PCDH8: variants seen among roughly 807,000 people sequenced by gnomAD.
The protein encoded by PCDH8 is protocadherin 8.
In PCDH8, 36 loss-of-function variants were observed where a neutral mutation model predicts 58.2. That is an observed-to-expected ratio of 0.62 (90% CI 0.47 to 0.82). The LOEUF (loss-of-function observed/expected upper bound fraction) is 0.82. PCDH8 is among the 40% of genes least tolerant of loss of function. The pLI is 0.00. For synonymous variants in PCDH8, 775 were observed against 728.9 expected, an observed-to-expected ratio of 1.06 and a Z score of -1.02; for missense variants, 1,493 against 1,567.8, an observed-to-expected ratio of 0.95 and a Z score of 0.81.
Position 52,846,498 on chromosome 13 carries a change from C to T in PCDH8, c.1939G>A (p.Gly647Arg), listed in dbSNP as rs758857191. The T allele has an allele frequency of 1.3e-6, 2 of 1,597,564 alleles. No individual in the cohort carries two copies. Among genetic ancestry groups the T allele is most frequent in the Non-Finnish European group, 1.7e-6 (2 of 1,178,866 alleles). ...QARDADEGANGELAFELQQQE... is the reference protein window; with the variant it reads ...QARDADEGANRELAFELQQQE... ...TGCTGCAGCTCGAACGCCAGCTCCC[C>T]GTTGGCTCCCTCGTCTGCATCCCGG... Residue 647 changes from glycine to arginine, a missense_variant, in exon 1 of 3, where the codon GGG becomes AGG. Transcript: ENST00000377942.
rs73494250 is a variant in PCDH8 at position 52,845,745 on chromosome 13, C to T, written c.2631+61G>A. 0.011 allele frequency: 16,912 copies of T among 1,511,794 alleles called. 1,602 individuals are homozygous for T. In the African/African-American group the frequency reaches 0.2, roughly 18 times the overall value. The allele number at this position is 1,511,794 out of a possible 1,614,324, so 93.6% of individuals were successfully genotyped here. ...TGCACCCACCCTACCCCTCCAGTCT[C>T]CCTTCCCCCAGCCTGTCCGCGGAGC... On this transcript the variant is annotated intron_variant, in intron 1 of 2. Transcript: ENST00000377942.
In PCDH8 at chr13:52,847,767, G is replaced by C; in HGVS notation, c.670C>G (p.Pro224Ala). Residue 224 changes from proline (P) to alanine (A), a missense_variant, in exon 1 of 3, where the codon CCG becomes GCG. Pro to Ala is a conservative substitution (Grantham distance 27). Coordinates refer to ENST00000377942, the MANE Select transcript of PCDH8 (RefSeq NM_002590.4). Reference sequence around the variant, plus strand: ...CTGAGGGCAGCCGTGGCGGAGCGCGGCGGGCGGCCGCCGTCCTGGGCCACC... The same window carrying C: ...CTGAGGGCAGCCGTGGCGGAGCGCGCCGGGCGGCCGCCGTCCTGGGCCACC... ...ELVAQDGGRP[P>A]RSATAALSVR... 6.9e-7 allele frequency: 1 copy of C among 1,458,976 alleles called. No homozygotes were observed. Among genetic ancestry groups the C allele is most frequent in the Non-Finnish European group, 9.0e-7 (1 of 1,115,338 alleles). 90.4% of individuals were successfully genotyped at this position (1,458,976 alleles called of 1,614,324 possible). A position where few individuals can be genotyped will look rare whatever the true frequency, so the allele number is the denominator to read the frequency against.
chr13:52,845,687 C>A, intron 1 of PCDH8, 55 bp from the exon 2 acceptor site: 1 of 1,589,896 alleles, frequency 6.3e-7, no homozygotes, highest in East Asian at 2.3e-5. Flanking sequence ...AAGAAACAAA[C>A]AAAAAACAAG....
In PCDH8 at chr13:52,846,521, C is replaced by T. The variant is rs757343905; in HGVS notation, c.1916G>A (p.Arg639Gln). The T allele has an allele frequency of 1.9e-6, 3 of 1,597,000 alleles. No individual in the cohort carries two copies. Among genetic ancestry groups the T allele is most frequent in the Admixed American group, 1.7e-5 (1 of 59,734 alleles). ...CCCGTTGGCTCCCTCGTCTGCATCC[C>T]GGGCCTGCACACGGGCCACAACCGT... ...KDTVVARVQA[R>Q]DADEGANGEL... The change falls in exon 1 of 3, where the codon CGG (arginine) becomes CAG (glutamine). Residue 639 changes from arginine to glutamine, a missense_variant. Physicochemically the swap from Arg to Gln is conservative, Grantham distance 43. Transcript: ENST00000377942.
rs1384362130 is a variant in PCDH8, at chr13:52,847,935, C to T, written c.502G>A (p.Gly168Arg). 5.0e-6 allele frequency: 8 copies of T among 1,606,180 alleles called. No individual in the cohort carries two copies. Among genetic ancestry groups the T allele is most frequent in the Admixed American group, 1.7e-5 (1 of 59,334 alleles). Reference protein sequence around the residue: ...VPVDEDVGANGLQTVRLAEPH... With the variant: ...VPVDEDVGANRLQTVRLAEPH... ...TCGGCCAGGCGCACGGTCTGCAGCC[C>T]GTTGGCGCCCACGTCCTCGTCCACC... Residue 168 changes from glycine (G) to arginine (R), a missense_variant, in exon 1 of 3, where the codon GGG becomes AGG. Physicochemically the swap from Gly to Arg is moderately radical, Grantham distance 125. Transcript: ENST00000377942.
At position 52,846,654 on chromosome 13, in the gene PCDH8, C is replaced by T. The variant is rs770473883; in HGVS notation, c.1783G>A (p.Val595Met). The change falls in exon 1 of 3, where the codon GTG becomes ATG. Residue 595 changes from valine (V) to methionine (M), a missense_variant. Around this residue, in one of 3 missense-constraint regions of PCDH8, gnomAD observed 1,307 missense variants for 1,362.7 expected, o/e 0.96. Transcript: ENST00000377942. ...GSPQLSSSAL[V>M]QVRVLDQNDH... Reference sequence around the variant, plus strand: ...TTCTGGTCCAGCACGCGCACTTGCACTAGGGCGCTGCTGGAAAGCTGAGGG... The same window carrying T: ...TTCTGGTCCAGCACGCGCACTTGCATTAGGGCGCTGCTGGAAAGCTGAGGG... 6.2e-5 allele frequency: 100 copies of T among 1,603,334 alleles called. 1 individual carries two copies. The Admixed American group carries it at 1.5e-3, about 24-fold the overall frequency.
rs5030683 is a variant in PCDH8 at position 52,848,321 on chromosome 13, T to G, written c.116A>C (p.Glu39Ala). The G allele has an allele frequency of 1.7e-5, 27 of 1,613,254 alleles. No individual in the cohort carries two copies. The highest frequency in any genetic ancestry group is 2.2e-5 in the Non-Finnish European group (26 of 1,180,044). Reference protein sequence around the residue: ...SKTVRYSTFEEDAPGTVIGTL... With the variant: ...SKTVRYSTFEADAPGTVIGTL... The stretch of plus-strand genomic sequence containing the variant: ...CCCGATGACCGTGCCGGGGGCATCC[T>G]CCTCGAAGGTGCTGTATCGGACTGT... The change falls in exon 1 of 3, where the codon GAG becomes GCG. Residue 39 changes from glutamate (E) to alanine (A), a missense_variant. Physicochemically the swap from Glu to Ala is moderately radical, Grantham distance 107 (BLOSUM62 -1). Coordinates refer to ENST00000377942, the MANE Select transcript of PCDH8 (RefSeq NM_002590.4).
rs990555099 is a variant in PCDH8, at chr13:52,845,646, T to C, written c.2632-14A>G. 4 of 1,613,168 alleles carry C rather than the reference T, an allele frequency of 2.5e-6. No homozygotes were observed. In the Admixed American group the frequency reaches 5.0e-5, roughly 20 times the overall value. On this transcript the variant is annotated splice_polypyrimidine_tract_variant and intron_variant, in intron 1 of 2. Transcript: ENST00000377942. Reference sequence around the variant, plus strand: ...GGCACCGTAGGGCTGCAGCAGGGAATAGGGGAATGGGAGTGGGGGGAGGGT... The same window carrying C: ...GGCACCGTAGGGCTGCAGCAGGGAACAGGGGAATGGGAGTGGGGGGAGGGT...
chr13:52,847,168 G>T lies in PCDH8; in HGVS notation c.1269C>A (p.Ala423=), dbSNP rs1390532740. The T allele has an allele frequency of 6.7e-7, 1 of 1,496,258 alleles. No individual in the cohort carries two copies. The highest frequency in any genetic ancestry group is 1.3e-5 in the South Asian group (1 of 76,290). 92.7% of individuals were successfully genotyped at this position (1,496,258 alleles called of 1,614,324 possible). Residue 423 remains alanine (A), a synonymous_variant, in exon 1 of 3, where the codon GCC becomes GCA. Coordinates refer to ENST00000377942, the MANE Select transcript of PCDH8 (RefSeq NM_002590.4). The part of the protein sequence containing the change: ...LVSTSDRDSG[A]NGQVRCALYG... The stretch of plus-strand genomic sequence containing the variant: ...AGAGGGCGCAGCGCACTTGCCCGTT[G>T]GCGCCCGAGTCCCTGTCCGAGGTGC...
Position 52,847,287 on chromosome 13 carries a change from C to G in PCDH8, c.1150G>C (p.Ala384Pro). ...AAAAALGGAD[A>P]SSPAGAGTPE... The stretch of plus-strand genomic sequence containing the variant: ...GTCCCGGCTCCCGCCGGCGAGCTAG[C>G]GTCCGCTCCCCCGAGTGCAGCGGCG... Residue 384 changes from alanine to proline, a missense_variant, in exon 1 of 3, where the codon GCT becomes CCT. Coordinates refer to ENST00000377942, the MANE Select transcript of PCDH8 (RefSeq NM_002590.4). The G allele has an allele frequency of 7.2e-7, 1 of 1,385,718 alleles. No individual in the cohort carries two copies. The highest frequency in any genetic ancestry group is 9.3e-7 in the Non-Finnish European group (1 of 1,076,132). The allele number at this position is 1,385,718 out of a possible 1,614,324, so 85.8% of individuals were successfully genotyped here.
rs892329725 is a variant in PCDH8, at chr13:52,843,907, C to A, written c.*653G>T. The A allele has an allele frequency of 6.6e-6, 1 of 152,356 alleles. No homozygotes were observed. The highest frequency in any genetic ancestry group is 1.5e-5 in the Non-Finnish European group (1 of 68,044). The allele number at this position is 152,356 out of a possible 1,614,324, so 9.4% of individuals were successfully genotyped here. A position where few individuals can be genotyped will look rare whatever the true frequency, so the allele number is the denominator to read the frequency against. On this transcript the variant is annotated 3_prime_UTR_variant, in exon 3 of 3. Transcript: ENST00000377942. ...ATAATTAGCACTTGAAAGAAGGTTT[C>A]ATTCTGATACTCAAATTATTTGTGA...
In PCDH8 at chr13:52,846,074, C is replaced by G. The variant is rs764198033; in HGVS notation, c.2363G>C (p.Arg788Pro). The change falls in exon 1 of 3, where the codon CGG becomes CCG. Residue 788 changes from arginine to proline, a missense_variant. Physicochemically the swap from Arg to Pro is moderately radical, Grantham distance 103. Coordinates refer to ENST00000377942, the MANE Select transcript of PCDH8 (RefSeq NM_002590.4). ...GCCCGCCGCCCCGGGCCGCTCTTCC[C>G]GGAGGGCCCCCCCTTTGCGCACCTC... ...KKEVRKGGAL[R>P]EERPGAAGGG... 6 of 1,551,482 alleles carry G rather than the reference C, an allele frequency of 3.9e-6. No individual in the cohort carries two copies. The highest frequency in any genetic ancestry group is 4.3e-6 in the Non-Finnish European group (5 of 1,160,446).
In PCDH8 at chr13:52,847,693, G is replaced by A. The variant is rs1304960574; in HGVS notation, c.744C>T (p.Gly248=). 4 of 1,551,454 alleles carry A rather than the reference G, an allele frequency of 2.6e-6. No individual in the cohort carries two copies. Among genetic ancestry groups the A allele is most frequent in the Admixed American group, 1.8e-5 (1 of 54,532 alleles). ...ANDHSPAFPQ[G]AVAEVELAED... ...CCGCCAGCTCCACTTCGGCCACGGC[G>A]CCCTGCGGGAAGGCCGGGCTGTGGT... The change falls in exon 1 of 3, where the codon GGC becomes GGT. Residue 248 remains glycine (G), a synonymous_variant. Transcript: ENST00000377942.
In PCDH8 at chr13:52,844,410, C is replaced by A; in HGVS notation, c.*150G>T. On this transcript the variant is annotated 3_prime_UTR_variant, in exon 3 of 3. Transcript: ENST00000377942. ...TTAACTACATTTTTGTTTGCAAATA[C>A]CAAACAGTACCAATGTGATTGGAAA... 1.8e-6 allele frequency: 1 copy of A among 553,858 alleles called. No homozygotes were observed. The highest frequency in any genetic ancestry group is 3.0e-6 in the Non-Finnish European group (1 of 335,606). The allele number at this position is 553,858 out of a possible 1,614,324, so 34.3% of individuals were successfully genotyped here. A position where few individuals can be genotyped will look rare whatever the true frequency, so the allele number is the denominator to read the frequency against.
At position 52,847,488 on chromosome 13, in the gene PCDH8, G is replaced by A. The variant is rs1965760937; in HGVS notation, c.949C>T (p.Gln317Ter). The change falls in exon 1 of 3, where the codon CAG (glutamine) becomes TAG (stop). Residue 317 changes from glutamine to a stop codon, truncating the protein, a stop_gained. Coordinates refer to ENST00000377942, the MANE Select transcript of PCDH8 (RefSeq NM_002590.4). LOFTEE classifies it high-confidence loss of function. ...CGCACGTCCAGCTCGTAGGTGTCCT[G>A]ACGCTCGTAGTCCACGGGCCCGGCC... ...TLAGPVDYER[Q>*]DTYELDVRAQ... is the part of the protein sequence containing the mutation. 4 of 1,591,462 alleles carry A rather than the reference G, an allele frequency of 2.5e-6. No homozygotes were observed. The highest frequency in any genetic ancestry group is 3.4e-6 in the Non-Finnish European group (4 of 1,175,268).
At position 52,847,470 on chromosome 13, in the gene PCDH8, C is replaced by G; in HGVS notation, c.967G>C (p.Asp323His). 1.3e-6 allele frequency: 2 copies of G among 1,591,752 alleles called. No individual in the cohort carries two copies. Among genetic ancestry groups the G allele is most frequent in the Non-Finnish European group, 1.7e-6 (2 of 1,175,330 alleles). Reference protein sequence around the residue: ...DYERQDTYELDVRAQDRGPGP... With the variant: ...DYERQDTYELHVRAQDRGPGP... ...GGTCCGCGGTCCTGCGCCCGCACGT[C>G]CAGCTCGTAGGTGTCCTGACGCTCG... Residue 323 changes from aspartate to histidine, a missense_variant, in exon 1 of 3, where the codon GAC becomes CAC. By Grantham distance (81) the Asp-to-His change is moderately conservative (BLOSUM62 -1). Transcript: ENST00000377942.
chr13:52,847,524 G>C lies in PCDH8; in HGVS notation c.913C>G (p.Arg305Gly), dbSNP rs1327683348. 2.5e-6 allele frequency: 4 copies of C among 1,582,124 alleles called. No homozygotes were observed. Among genetic ancestry groups the C allele is most frequent in the Non-Finnish European group, 2.6e-6 (3 of 1,170,950 alleles). The change falls in exon 1 of 3, where the codon CGC (arginine) becomes GGC (glycine). Residue 305 changes from arginine (R) to glycine (G), a missense_variant. Arg to Gly is a moderately radical substitution (Grantham distance 125). Around this residue, in one of 3 missense-constraint regions of PCDH8, gnomAD observed 1,307 missense variants for 1,362.7 expected, o/e 0.96. Transcript: ENST00000377942. Reference sequence around the variant, plus strand: ...TCCACGGGCCCGGCCAGGGTGAGGCGGCCTGATCGCGGGTCAAGCCGAAAG... The same window carrying C: ...TCCACGGGCCCGGCCAGGGTGAGGCCGCCTGATCGCGGGTCAAGCCGAAAG... ...RLFRLDPRSG[R>G]LTLAGPVDYE...
rs1440054011 is a variant in PCDH8, at chr13:52,847,723, C to G, written c.714G>C (p.Ala238=). The change falls in exon 1 of 3, where the codon GCG becomes GCC. Residue 238 remains alanine, a synonymous_variant. Transcript: ENST00000377942. ...TAALSVRVLD[A]NDHSPAFPQG... The stretch of plus-strand genomic sequence containing the variant: ...GCGGGAAGGCCGGGCTGTGGTCATT[C>G]GCATCCAGGACGCGCACGCTGAGGG... 2.0e-6 allele frequency: 3 copies of G among 1,523,868 alleles called. No individual in the cohort carries two copies. The highest frequency in any genetic ancestry group is 2.6e-6 in the Non-Finnish European group (3 of 1,143,636). 94.4% of individuals were successfully genotyped at this position (1,523,868 alleles called of 1,614,324 possible).
Position 52,846,445 on chromosome 13 carries a change from G to T in PCDH8, c.1992C>A (p.Ile664=). 6.3e-7 allele frequency: 1 copy of T among 1,599,470 alleles called. No homozygotes were observed. Among genetic ancestry groups the T allele is most frequent in the Non-Finnish European group, 8.5e-7 (1 of 1,179,428 alleles). The change falls in exon 1 of 3, where the codon ATC becomes ATA. Residue 664 remains isoleucine, a synonymous_variant. Coordinates refer to ENST00000377942, the MANE Select transcript of PCDH8 (RefSeq NM_002590.4). ...QQQEPREAFA[I]GRRTGEILLT... Reference sequence around the variant, plus strand: ...GCAGTATCTCCCCCGTGCGGCGGCCGATGGCGAAGGCTTCGCGCGGCTCCT... The same window carrying T: ...GCAGTATCTCCCCCGTGCGGCGGCCTATGGCGAAGGCTTCGCGCGGCTCCT...
Sources: gnomAD v4.1 joint callset for allele counts on GRCh38, gnomAD v4.1.1 for gene constraint, gnomAD v4.1.1 regional missense constraint, MANE v1.5 for transcripts, NCBI Gene and HGNC (gene_info 2026-07-23, HGNC 2026-07-21) for gene names.